Variants in CACNA2D1 observed in about 807,000 individuals in gnomAD.
CACNA2D1 encodes voltage-dependent calcium channel subunit alpha-2/delta-1.
Under a neutral mutation model 171.5 loss-of-function variants are expected in CACNA2D1, and 53 were observed. That is an observed-to-expected ratio of 0.31 (90% CI 0.25 to 0.39). The LOEUF (loss-of-function observed/expected upper bound fraction) is 0.39, where lower values mean the gene tolerates loss of function less well. Among genes scored for constraint, CACNA2D1 ranks in the 10% least tolerant of loss-of-function variants. CACNA2D1 has a pLI of 1.00. For synonymous variants in CACNA2D1, 442 were observed against 443.1 expected (o/e 1.00, Z 0.03); for missense variants, 903 against 1,299.8 (o/e 0.69, Z 4.69).
rs563170207 is a variant in CACNA2D1, at chr7:81,948,795, C to T, written c.*1597G>A. 1 of 152,002 alleles carries T rather than the reference C, an allele frequency of 6.6e-6. No individual in the cohort carries two copies. The highest frequency in any genetic ancestry group is 2.4e-5 in the African/African-American group (1 of 41,526). 9.4% of individuals were successfully genotyped at this position (152,002 alleles called of 1,614,324 possible). ...ATTATTAACTATTCTTAGAATTACA[C>T]ATTCATAGTTTTTACCTTTTCTTCA... On this transcript the variant is annotated 3_prime_UTR_variant, in exon 39 of 39. Transcript: ENST00000356860.
chr7:82,332,510 T>TAAAGAAAG (rs757450961), intron 3 of CACNA2D1, among the ~76,000 whole-genome samples: 13,347 of 91,386 alleles, frequency 0.15, 762 homozygotes, highest in Admixed American at 0.18. Flanking sequence ...AAAAGAAATA[T>TAAAGAAAG]AAAGAAAGAA....
chr7:82,017,728 T>A (rs1470638273), intron 12 of CACNA2D1, among the ~76,000 whole-genome samples: 1 of 152,178 alleles, frequency 6.6e-6, no homozygotes, highest in Non-Finnish European at 1.5e-5. Context: ...AATTACCTTC[T>A]CAAAGATGTG....
chr7:82,284,159 T>C (rs1810473910), intron 3 of CACNA2D1, among the ~76,000 whole-genome samples: 3 of 143,458 alleles, frequency 2.1e-5, no homozygotes, highest in African/African-American at 7.8e-5. Context: ...ACCACTGTAC[T>C]CCAGCCTGGG....
intron 21 of CACNA2D1, 98 bp downstream of exon 21, chr7:81,991,087 C>A: frequency 2.8e-6 from 2 of 710,184 alleles, no homozygotes; most frequent in South Asian, 3.3e-5. Flanking sequence ...ATGTTGGGAA[C>A]TTTTCTAGTG....
At chr7:81,988,189 CTT>C (rs2130709584) in intron 21 of CACNA2D1, among the ~76,000 whole-genome samples, 1 of 152,274 alleles carries the variant, frequency 6.6e-6, no homozygotes, top group East Asian at 1.9e-4. Context: ...TGCCCTGATA[CTT>C]TGTTTTATCA....
At chr7:82,119,379 T>C (rs1288756013) in intron 5 of CACNA2D1, among the ~76,000 whole-genome samples, 2 of 152,162 alleles carry the variant, frequency 1.3e-5, no homozygotes, top group Admixed American at 6.5e-5. Context: ...TATTAAATAA[T>C]AGATTAGATC....
chr7:82,417,238 T>C (rs1438081325), intron 1 of CACNA2D1, among the ~76,000 whole-genome samples: 2 of 152,104 alleles, frequency 1.3e-5, no homozygotes, highest in African/African-American at 4.8e-5. Context: ...CTGAACAGTT[T>C]TGAGAGTGAA....
chr7:82,031,994 T>A (rs1802758194), intron 12 of CACNA2D1, among the ~76,000 whole-genome samples: 1 of 152,000 alleles, frequency 6.6e-6, no homozygotes, highest in Non-Finnish European at 1.5e-5. Flanking sequence ...AATGAATCAT[T>A]AGCATTTTAG....
chr7:82,049,078 A>C (rs1344678344), intron 10 of CACNA2D1, among the ~76,000 whole-genome samples: 1 of 150,840 alleles, frequency 6.6e-6, no homozygotes, highest in Non-Finnish European at 1.5e-5. Flanking sequence ...CCTTCTTATA[A>C]ACTCTCTTTA....
intron 7 of CACNA2D1, among the ~76,000 whole-genome samples, chr7:82,068,644 C>T (rs1249444066): frequency 6.6e-6 from 1 of 151,972 alleles, no homozygotes; most frequent in Non-Finnish European, 1.5e-5. Context: ...TGATTGAACC[C>T]AGACTGACAC....
intron 3 of CACNA2D1, among the ~76,000 whole-genome samples, chr7:82,329,519 C>A (rs1276492129): frequency 6.6e-6 from 1 of 152,118 alleles, no homozygotes; most frequent in Non-Finnish European, 1.5e-5. Context: ...TCATTTATCT[C>A]CATCTCTCAG....
chr7:82,365,198 C>G (rs771991016), intron 1 of CACNA2D1, among the ~76,000 whole-genome samples: 1 of 151,976 alleles, frequency 6.6e-6, no homozygotes, highest in African/African-American at 2.4e-5. Context: ...GTGGGGTTTC[C>G]CTTAAAAATG....
intron 3 of CACNA2D1, among the ~76,000 whole-genome samples, chr7:82,244,754 G>C (rs796845503): frequency 3.9e-5 from 6 of 152,044 alleles, no homozygotes; most frequent in African/African-American, 1.4e-4. Context: ...TCATTACTTA[G>C]GAATCCTTGA....
chr7:81,970,061 G>A (rs1795106097), intron 27 of CACNA2D1, 77 bp from the exon 28 acceptor site: 2 of 863,990 alleles, frequency 2.3e-6, no homozygotes, highest in Non-Finnish European at 4.0e-6. Context: ...GACTTGCTGA[G>A]CTTTACAGAT....
intron 24 of CACNA2D1, among the ~76,000 whole-genome samples, chr7:81,977,992 A>G (rs1796030862): frequency 2.0e-5 from 3 of 152,248 alleles, no homozygotes; most frequent in Admixed American, 6.5e-5. Context: ...AAAAAAGCTC[A>G]TCACCACTGG....
At chr7:82,388,428 T>C (rs1057019014) in intron 1 of CACNA2D1, among the ~76,000 whole-genome samples, 20 of 152,174 alleles carry the variant, frequency 1.3e-4, no homozygotes, top group African/African-American at 4.6e-4. Flanking sequence ...ATTGTGAAAA[T>C]AAATTCAGGT....
chr7:82,095,470 T>C (rs1811742426), intron 6 of CACNA2D1, among the ~76,000 whole-genome samples: 1 of 152,220 alleles, frequency 6.6e-6, no homozygotes, highest in African/African-American at 2.4e-5. Flanking sequence ...GTGACAAACC[T>C]GTGTTTAATG....
At chr7:82,199,655 T>C (rs1332903354) in intron 3 of CACNA2D1, among the ~76,000 whole-genome samples, 1 of 152,098 alleles carries the variant, frequency 6.6e-6, no homozygotes, top group African/African-American at 2.4e-5. Flanking sequence ...TTTTCTTCTT[T>C]GGCAGTTTCT....
intron 1 of CACNA2D1, among the ~76,000 whole-genome samples, chr7:82,395,549 A>G (rs1398332825): frequency 6.6e-6 from 1 of 152,250 alleles, no homozygotes; most frequent in Non-Finnish European, 1.5e-5. Context: ...TACTATAATT[A>G]TTTCATTTAA....
Sources: allele counts gnomAD v4.1 joint callset (sites outside exome capture counted in the v4.1 genomes callset), GRCh38; gene constraint gnomAD v4.1.1; transcripts MANE v1.5; gene names NCBI Gene and HGNC (gene_info 2026-07-23, HGNC 2026-07-21).